The following NFAT5 variants were observed in gnomAD, a reference collection of about 807,000 sequenced individuals.
NFAT5 encodes nuclear factor of activated T cells 5, also known as nuclear factor of activated T-cells 5.
A neutral mutation model predicts 166.5 loss-of-function variants in NFAT5; 31 were observed. That is an observed-to-expected ratio of 0.19 (90% confidence interval 0.14 to 0.25). The LOEUF (loss-of-function observed/expected upper bound fraction) is 0.25. NFAT5 is among the 10% of genes least tolerant of loss of function. The probability of loss-of-function intolerance (pLI) is 1.00; values close to 1 mark genes in which losing one functional copy is unlikely to be tolerated. For missense variants in NFAT5, 1,449 were observed against 1,821.8 expected (o/e 0.80, Z 3.72); for synonymous variants, 612 against 639.7 (o/e 0.96, Z 0.65).
chr16:69,589,059 A>G (rs1294547424), intron 2 of NFAT5, among the ~76,000 whole-genome samples: 4 of 139,476 alleles, frequency 2.9e-5, no homozygotes, highest in East Asian at 2.2e-4. Flanking sequence ...CAATGGCACA[A>G]TCTTGGCTCA....
At chr16:69,652,952 C>G (rs2035734262) in intron 4 of NFAT5, among the ~76,000 whole-genome samples, 1 of 150,746 alleles carries the variant, frequency 6.6e-6, no homozygotes, top group Non-Finnish European at 1.5e-5. Flanking sequence ...TTATTGCGCT[C>G]AATCTTCCTC....
At position 69,624,497 on chromosome 16, in the gene NFAT5, G is replaced by T. The variant is rs541442004; in HGVS notation, c.128-1906G>T. ...TGGGATTACAGGTGTGAGCCACCGCGCCTGGCCCAGGTAACAGCATTTTTC... is the reference window on the plus strand; with the variant it reads ...TGGGATTACAGGTGTGAGCCACCGCTCCTGGCCCAGGTAACAGCATTTTTC... On this transcript the variant is annotated intron_variant, in intron 2 of 14. Coordinates refer to ENST00000349945, the MANE Select transcript of NFAT5 (RefSeq NM_138713.4). Among the ~76,000 whole-genome samples, 12 of 152,250 alleles carry T rather than the reference G, an allele frequency of 7.9e-5. No individual in the cohort carries two copies. The South Asian group carries it at 2.5e-3, about 32-fold the overall frequency.
Position 69,692,010 on chromosome 16 carries a change from T to A in NFAT5, c.2185T>A (p.Phe729Ile). The A allele has an allele frequency of 1.2e-6, 2 of 1,614,160 alleles. No individual in the cohort carries two copies. The highest frequency in any genetic ancestry group is 8.5e-7 in the Non-Finnish European group (1 of 1,180,032). Residue 729 changes from phenylalanine (F) to isoleucine (I), a missense_variant, in exon 13 of 15, where the codon TTT (phenylalanine) becomes ATT (isoleucine). Transcript: ENST00000349945. ...SDALLQQATQ[F>I]QTRETQSREI... ...TGCACTATTGCAGCAGGCTACACAGTTTCAGACAAGAGAAACTCAGTCTAG... is the reference window on the plus strand; with the variant it reads ...TGCACTATTGCAGCAGGCTACACAGATTCAGACAAGAGAAACTCAGTCTAG...
chr16:69,664,652 A>G (rs2036287172), intron 7 of NFAT5, among the ~76,000 whole-genome samples: 3 of 152,156 alleles, frequency 2.0e-5, no homozygotes, highest in African/African-American at 4.8e-5. Context: ...AATACCAAAA[A>G]GGTGATTTTT....
chr16:69,587,007 T>C (rs1287789609), intron 2 of NFAT5, among the ~76,000 whole-genome samples: 1 of 152,200 alleles, frequency 6.6e-6, no homozygotes, highest in South Asian at 2.1e-4. Context: ...CTAGGTATGA[T>C]TGTATTCATC....
At chr16:69,657,957 C>A (rs1025385714) in intron 6 of NFAT5, among the ~76,000 whole-genome samples, 1 of 147,762 alleles carries the variant, frequency 6.8e-6, no homozygotes. Flanking sequence ...TGGTGGCGGG[C>A]GCCTGTAGTC....
At chr16:69,584,764 G>A (rs2031934824) in intron 2 of NFAT5, among the ~76,000 whole-genome samples, 1 of 152,040 alleles carries the variant, frequency 6.6e-6, no homozygotes, top group South Asian at 2.1e-4. Context: ...TCCAGTCTGG[G>A]TGACAGAGTA....
intron 2 of NFAT5, among the ~76,000 whole-genome samples, chr16:69,578,316 T>C (rs1321808061): frequency 1.3e-5 from 2 of 152,206 alleles, no homozygotes; most frequent in Admixed American, 6.5e-5. Flanking sequence ...ATATGAGTTT[T>C]TGGTCCCTTA....
chr16:69,660,388 C>T (rs188853468), intron 7 of NFAT5, among the ~76,000 whole-genome samples: 1 of 152,204 alleles, frequency 6.6e-6, no homozygotes, highest in African/African-American at 2.4e-5. Context: ...CTTGAGCGTG[C>T]CACTGCACGC....
chr16:69,618,019 G>A (rs1011174283), intron 2 of NFAT5, among the ~76,000 whole-genome samples: 2 of 151,938 alleles, frequency 1.3e-5, no homozygotes, highest in Non-Finnish European at 2.9e-5. Flanking sequence ...TTAGCTGGGC[G>A]TGGTGGCGAA....
intron 2 of NFAT5, among the ~76,000 whole-genome samples, chr16:69,601,165 C>G (rs1405373764): frequency 6.6e-6 from 1 of 151,968 alleles, no homozygotes; most frequent in East Asian, 1.9e-4. Context: ...AAAACAAGAA[C>G]AAATCACATG....
chr16:69,584,914 AC>A (rs2031943299), intron 2 of NFAT5, among the ~76,000 whole-genome samples: 1 of 152,206 alleles, frequency 6.6e-6, no homozygotes, highest in African/African-American at 2.4e-5. Context: ...GTATATATAT[AC>A]ATGTATATAT....
At chr16:69,597,631 A>T (rs2032875977) in intron 2 of NFAT5, among the ~76,000 whole-genome samples, 1 of 149,006 alleles carries the variant, frequency 6.7e-6, no homozygotes, top group Non-Finnish European at 1.5e-5. Context: ...TCGTTCTGTC[A>T]CCCAGGCTGG....
chr16:69,649,293 T>C (rs2035574271), intron 4 of NFAT5: 1 of 962,512 alleles, frequency 1.0e-6, no homozygotes, highest in South Asian at 4.8e-5. Context: ...TTCCAGAAGA[T>C]AAATTTTCAT....
chr16:69,685,121 A>G (rs1284619804), intron 11 of NFAT5, 151 bp downstream of exon 11: 1 of 329,440 alleles, frequency 3.0e-6, no homozygotes, highest in African/African-American at 2.2e-5. Context: ...ACTTTACTAA[A>G]TGTAGAGACT....
intron 2 of NFAT5, among the ~76,000 whole-genome samples, chr16:69,578,496 G>T (rs559443211): frequency 6.6e-6 from 1 of 152,250 alleles, no homozygotes; most frequent in African/African-American, 2.4e-5. Context: ...TTTGTTGGTA[G>T]AAGACTGATT....
At chr16:69,608,572 C>G (rs542144545) in intron 2 of NFAT5, among the ~76,000 whole-genome samples, 1 of 150,890 alleles carries the variant, frequency 6.6e-6, no homozygotes, top group Non-Finnish European at 1.5e-5. Context: ...CTGGCTAACA[C>G]GGTGAAATCC....
At chr16:69,576,349 T>C (rs995579235) in intron 2 of NFAT5, among the ~76,000 whole-genome samples, 1 of 147,214 alleles carries the variant, frequency 6.8e-6, no homozygotes, top group African/African-American at 2.5e-5. Context: ...TGGGCCCTAA[T>C]AAGATTACAC....
intron 2 of NFAT5, among the ~76,000 whole-genome samples, chr16:69,583,379 T>TA (rs199954217): frequency 0.011 from 1,491 of 141,150 alleles, 5 homozygotes; most frequent in Non-Finnish European, 0.012. Context: ...CCCAGCTAAT[T>TA]AAAAAAAAAA....
Sources: gnomAD v4.1 joint callset for allele counts (sites outside exome capture counted in the v4.1 genomes callset) on GRCh38, gnomAD v4.1.1 for gene constraint, MANE v1.5 for transcripts, NCBI Gene and HGNC (gene_info 2026-07-23, HGNC 2026-07-21) for gene names.